NQO2: variants seen among roughly 807,000 people sequenced by gnomAD.
The protein encoded by NQO2 is ribosyldihydronicotinamide dehydrogenase [quinone].
NQO2 carries 18 observed loss-of-function variants against 22.0 expected under a neutral mutation model. The ratio of observed to expected loss-of-function variants is 0.82; its 90% CI spans 0.56 to 1.21. The LOEUF (loss-of-function observed/expected upper bound fraction) is 1.21. Ranked by LOEUF, NQO2 falls within the 50% of genes most tolerant of loss-of-function variation. The pLI, the probability that NQO2 is intolerant of heterozygous loss-of-function variation, is 0.00. For missense variants in NQO2, 267 were observed against 286.9 expected (o/e 0.93, Z 0.50); for synonymous variants, 106 against 110.8 (o/e 0.96, Z 0.28).
chr6:3,014,328 A>AG (rs776601798), intron 4 of NQO2, among the ~76,000 whole-genome samples: 107 of 152,286 alleles, frequency 7.0e-4, no homozygotes, highest in Non-Finnish European at 1.1e-3. Flanking sequence ...TCCTAATTAC[A>AG]GGTGGGTGGA....
At chr6:3,008,369 G>T (rs56214624) in intron 2 of NQO2, among the ~76,000 whole-genome samples, 1,672 of 151,664 alleles carry the variant, frequency 0.011, 29 homozygotes, top group African/African-American at 0.038. Flanking sequence ...CAGTGAGCTG[G>T]GATCGTTGCT....
In NQO2 at chr6:3,002,357, G is replaced by A. The variant is rs182507542; in HGVS notation, c.-86+2272G>A. On this transcript the variant is annotated intron_variant, in intron 1 of 6. Transcript: ENST00000380455. ...AGAGTCTTGCTCTGTTGCCCAGGCT[G>A]GAGTGCAATGGCACAATCTTGACTC... is the stretch of plus-strand genomic sequence containing the variant. The A allele has an allele frequency of 2.4e-5, 11 of 465,676 alleles. No homozygotes were observed. The East Asian group carries it at 1.4e-3, about 58-fold the overall frequency. The allele number at this position is 465,676 out of a possible 1,614,324, so 28.8% of individuals were successfully genotyped here. A position where few individuals can be genotyped will look rare whatever the true frequency, so the allele number is the denominator to read the frequency against.
intron 3 of NQO2, among the ~76,000 whole-genome samples, chr6:3,011,675 C>CA (rs1757141837): frequency 6.6e-6 from 1 of 152,238 alleles, no homozygotes; most frequent in African/African-American, 2.4e-5. Context: ...AGGTCAAGAA[C>CA]AAAAAGAGGA....
intron 6 of NQO2, among the ~76,000 whole-genome samples, chr6:3,017,348 G>A (rs779757219): frequency 2.0e-5 from 3 of 152,200 alleles, no homozygotes; most frequent in Non-Finnish European, 4.4e-5. Flanking sequence ...ATACGTGCGG[G>A]TGGAGGCCAT....
At chr6:3,019,420 T>C (rs4149370) in intron 6 of NQO2, 59 bp from the exon 7 acceptor site, 1,112,058 of 1,511,086 alleles carry the variant, frequency 0.74, 411,390 homozygotes, top group African/African-American at 0.9. Context: ...ATCATTTAAC[T>C]GAATGGTATG....
Position 3,015,510 on chromosome 6 carries a change from T to A in NQO2, c.304-20T>A. On this transcript the variant is annotated intron_variant, in intron 4 of 6. Coordinates refer to ENST00000380455, the MANE Select transcript of NQO2 (RefSeq NM_000904.6). ...AGGCGAGCCGCAGCCTCAGTTTCTC[T>A]TTGGTGTTGCCGCCCACAGTTCCCG... The A allele has an allele frequency of 6.2e-7, 1 of 1,609,334 alleles. No individual in the cohort carries two copies. Among genetic ancestry groups the A allele is most frequent in the South Asian group, 1.1e-5 (1 of 90,260 alleles).
Position 3,016,875 on chromosome 6 carries a change from C to G in NQO2, c.418-9C>G. ...GTCCACACAAATGCATCTGCTTTCT[C>G]CCTTGCAGGGTAAACTAGCGCTCCT... is the stretch of plus-strand genomic sequence containing the variant. On this transcript the variant is annotated splice_polypyrimidine_tract_variant and intron_variant, in intron 5 of 6. Transcript: ENST00000380455. The G allele has an allele frequency of 6.2e-7, 1 of 1,613,200 alleles. No homozygotes were observed.
intron 1 of NQO2, among the ~76,000 whole-genome samples, chr6:3,005,360 C>G (rs1756913229): frequency 6.6e-6 from 1 of 152,182 alleles, no homozygotes; most frequent in African/African-American, 2.4e-5. Flanking sequence ...CGACCTTTCC[C>G]CAGCGGTGCA....
At chr6:3,019,399 TC>T (rs1561718970) in intron 6 of NQO2, 79 bp from the exon 7 acceptor site, 2 of 1,489,304 alleles carry the variant, frequency 1.3e-6, no homozygotes, top group Non-Finnish European at 8.9e-7. Flanking sequence ...TCACACCATT[TC>T]CCCCCTTAAA....
At position 3,019,477 on chromosome 6, in the gene NQO2, A is replaced by C; in HGVS notation, c.520-2A>C. 3.1e-6 allele frequency: 5 copies of C among 1,610,292 alleles called. No individual in the cohort carries two copies. Among genetic ancestry groups the C allele is most frequent in the Non-Finnish European group, 4.2e-6 (5 of 1,177,808 alleles). On this transcript the variant is annotated splice_acceptor_variant, in intron 6 of 6. Transcript: ENST00000380455. LOFTEE classifies it high-confidence loss of function. ...AGTTCTTTTCTTCCCCTGTGGCTTT[A>C]GCATGGCACATTACACTTCTGTGGA...
intron 1 of NQO2, among the ~76,000 whole-genome samples, chr6:3,005,223 T>A (rs1302787533): frequency 6.6e-6 from 1 of 152,198 alleles, no homozygotes; most frequent in Non-Finnish European, 1.5e-5. Context: ...GGCAAGTGGT[T>A]TTCAAGACCC....
intron 6 of NQO2, among the ~76,000 whole-genome samples, chr6:3,018,221 C>T (rs28383643): frequency 0.058 from 8,839 of 152,244 alleles, 423 homozygotes; most frequent in African/African-American, 0.13. Flanking sequence ...GTCATGTTGT[C>T]TGAAGCTGGG....
chr6:3,012,938 T>C (rs1026832528), intron 4 of NQO2, among the ~76,000 whole-genome samples: 1 of 139,904 alleles, frequency 7.1e-6, no homozygotes. Context: ...TACGTAGATG[T>C]AACACTACTT....
intron 1 of NQO2, among the ~76,000 whole-genome samples, chr6:3,004,983 CG>C (rs1212149161): frequency 1.3e-5 from 2 of 152,030 alleles, no homozygotes; most frequent in Non-Finnish European, 2.9e-5. Flanking sequence ...TTAGTAGAGA[CG>C]GAGTTTCGCC....
chr6:3,018,420 G>A (rs569310962), intron 6 of NQO2, among the ~76,000 whole-genome samples: 37 of 152,296 alleles, frequency 2.4e-4, no homozygotes, highest in East Asian at 9.6e-4. Flanking sequence ...CAGCAGAATC[G>A]CTTGAACCTG....
Position 2,999,903 on chromosome 6 carries a change from G to A in NQO2, c.-268G>A, listed in dbSNP as rs947618416. On this transcript the variant is annotated 5_prime_UTR_variant, in exon 1 of 7. Transcript: ENST00000380455. ...AGTCCCGCGGCGCGGGGCAGGTTCC[G>A]GGCTGCTTAGGTTGGCACCGGTCCG... 1 of 152,316 alleles carries A rather than the reference G, an allele frequency of 6.6e-6. No homozygotes were observed. Among genetic ancestry groups the A allele is most frequent in the Non-Finnish European group, 1.5e-5 (1 of 68,158 alleles). 9.4% of individuals were successfully genotyped at this position (152,316 alleles called of 1,614,324 possible).
chr6:3,017,432 C>T (rs902335755), intron 6 of NQO2, among the ~76,000 whole-genome samples: 1 of 152,202 alleles, frequency 6.6e-6, no homozygotes, highest in African/African-American at 2.4e-5. Context: ...CCAGGCCCTG[C>T]ATTCTGATGG....
In NQO2 at chr6:3,002,930, A is replaced by C. The variant is rs1250871651; in HGVS notation, c.-86+2845A>C. On this transcript the variant is annotated intron_variant, in intron 1 of 6. Coordinates refer to ENST00000380455, the MANE Select transcript of NQO2 (RefSeq NM_000904.6). ...CACCACACCTGGCTAATTTTTAAAA[A>C]TCTTTGGTAGAGATGGGATCTCACT... Among the ~76,000 whole-genome samples the C allele has an allele frequency of 1.3e-5, 2 of 152,020 alleles. 1 individual carries two copies. Among genetic ancestry groups the C allele is most frequent in the African/African-American group, 4.8e-5 (2 of 41,404 alleles).
At chr6:3,015,177 C>A (rs995943263) in intron 4 of NQO2, 1 of 1,321,716 alleles carries the variant, frequency 7.6e-7, no homozygotes, top group African/African-American at 1.5e-5. Flanking sequence ...GGCGAAGGGG[C>A]ATGCTTTTCC....
Sources: gnomAD v4.1 joint callset for allele counts (sites outside exome capture counted in the v4.1 genomes callset) on GRCh38, gnomAD v4.1.1 for gene constraint, MANE v1.5 for transcripts, NCBI Gene and HGNC (gene_info 2026-07-23, HGNC 2026-07-21) for gene names.